ZMYND19: variants seen among roughly 807,000 people sequenced by gnomAD.
ZMYND19 encodes zinc finger MYND-type containing 19.
ZMYND19 carries 17 observed loss-of-function variants against 32.0 expected under a neutral mutation model. The observed-to-expected ratio is 0.53, with a 90% CI of 0.36 to 0.80. The LOEUF (loss-of-function observed/expected upper bound fraction) is 0.80. Ranked by LOEUF, ZMYND19 falls within the 30% of genes least tolerant of loss-of-function variation. The pLI is 0.00. For missense variants in ZMYND19, 250 were observed against 293.6 expected, an observed-to-expected ratio of 0.85 and a Z score of 1.09; for synonymous variants, 124 against 113.6, an observed-to-expected ratio of 1.09 and a Z score of -0.58.
intron 4 of ZMYND19, among the ~76,000 whole-genome samples, chr9:137,586,503 G>C (rs1390572797): frequency 6.7e-6 from 1 of 149,104 alleles, no homozygotes; most frequent in African/African-American, 2.5e-5. Context: ...GAATCCCGAG[G>C]TGAGAGAAGG....
intron 4 of ZMYND19, among the ~76,000 whole-genome samples, chr9:137,584,622 C>T (rs1003204796): frequency 2.8e-4 from 43 of 152,232 alleles, no homozygotes; most frequent in African/African-American, 9.6e-4. Context: ...AGCATCAACA[C>T]TGAGCATGTA....
At chr9:137,586,265 G>A (rs1465125007) in intron 4 of ZMYND19, among the ~76,000 whole-genome samples, 1 of 151,746 alleles carries the variant, frequency 6.6e-6, no homozygotes, top group African/African-American at 2.4e-5. Flanking sequence ...ATCCTGAGGT[G>A]AGGAGAGAAG....
In ZMYND19 at chr9:137,590,256, T is replaced by C; in HGVS notation, c.8A>G (p.Asp3Gly). 1 of 1,156,452 alleles carries C rather than the reference T, an allele frequency of 8.6e-7. No homozygotes were observed. The highest frequency in any genetic ancestry group is 1.9e-5 in the South Asian group (1 of 53,598). 71.6% of individuals were successfully genotyped at this position (1,156,452 alleles called of 1,614,324 possible). A position where few individuals can be genotyped will look rare whatever the true frequency, so the allele number is the denominator to read the frequency against. ...GAGCCGCACGATACCCAATTTGAAG[T>C]CGGTCATGGCCGGGCCTGCGCTCTC... MT[D>G]FKLGIVRLGR... Residue 3 changes from aspartate to glycine, a missense_variant, in exon 1 of 6, where the codon GAC (aspartate) becomes GGC (glycine). This residue lies in a region of ZMYND19 where 212 missense variants were observed against 218.8 expected (regional missense o/e 0.97). Transcript: ENST00000298585. This position sits in a 1 kb window ranked among gnomAD's most constrained non-coding sequence, Gnocchi z 4.2.
At chr9:137,586,584 G>T (rs1014882089) in intron 4 of ZMYND19, among the ~76,000 whole-genome samples, 25 of 152,060 alleles carry the variant, frequency 1.6e-4, no homozygotes, top group African/African-American at 6.0e-4. Flanking sequence ...GGTGAGCAGA[G>T]AAGGAAGGAA....
intron 4 of ZMYND19, 127 bp downstream of exon 4, chr9:137,586,840 C>A: frequency 1.5e-6 from 2 of 1,312,350 alleles, no homozygotes; most frequent in East Asian, 2.4e-5. Context: ...CAATGAAATT[C>A]CCAAAATACA....
chr9:137,583,252 C>A, intron 4 of ZMYND19, 89 bp from the exon 5 acceptor site: 1 of 1,462,334 alleles, frequency 6.8e-7, no homozygotes. Flanking sequence ...AGAGTGCCAT[C>A]CTGCCCAGGA....
At chr9:137,585,887 C>G (rs774346215) in intron 4 of ZMYND19, among the ~76,000 whole-genome samples, 1 of 152,254 alleles carries the variant, frequency 6.6e-6, no homozygotes, top group Non-Finnish European at 1.5e-5. Flanking sequence ...GTTCGCACTG[C>G]CTGCACCAGG....
chr9:137,582,494 G>A lies in ZMYND19; in HGVS notation c.*49C>T. ...TCAACCACCAGTCTGTCTCTGCTGT[G>A]CCCAGGGTAGAGCCCGGGGGCTGTG... On this transcript the variant is annotated 3_prime_UTR_variant, in exon 6 of 6. Transcript: ENST00000298585. The A allele has an allele frequency of 6.3e-7, 1 of 1,591,588 alleles. No homozygotes were observed. Among genetic ancestry groups the A allele is most frequent in the Non-Finnish European group, 8.6e-7 (1 of 1,169,358 alleles).
chr9:137,587,686 C>CG (rs141754341), intron 3 of ZMYND19, 31 bp downstream of exon 3: 13 of 1,601,168 alleles, frequency 8.1e-6, no homozygotes, highest in African/African-American at 1.3e-5. Context: ...AGCCCAGTGG[C>CG]GGGGGGCAGA....
intron 1 of ZMYND19, chr9:137,589,981 G>T (rs899975566): frequency 2.0e-6 from 2 of 985,168 alleles, no homozygotes; most frequent in African/African-American, 3.5e-5. Flanking sequence ...GGGCAGGGCC[G>T]AGGGTGGCCA....
At chr9:137,587,449 C>T in intron 3 of ZMYND19, 1 of 593,574 alleles carries the variant, frequency 1.7e-6, no homozygotes, top group Non-Finnish European at 3.0e-6. Context: ...GGGGGCTCGG[C>T]AAAACCCAGC....
chr9:137,588,731 C>G lies in ZMYND19; in HGVS notation c.52-13G>C. ...GCGTGTATTTGGTCTGGAAGTTAAC[C>G]ACATGTTTCAAATCATTACATTTGG... On this transcript the variant is annotated splice_polypyrimidine_tract_variant and intron_variant, in intron 1 of 5. Coordinates refer to ENST00000298585, the MANE Select transcript of ZMYND19 (RefSeq NM_138462.3). The G allele has an allele frequency of 1.2e-6, 2 of 1,614,126 alleles. No individual in the cohort carries two copies. The highest frequency in any genetic ancestry group is 8.5e-7 in the Non-Finnish European group (1 of 1,179,978).
At chr9:137,588,574 A>C in intron 2 of ZMYND19, 85 bp downstream of exon 2, 1 of 1,488,880 alleles carries the variant, frequency 6.7e-7, no homozygotes, top group South Asian at 1.1e-5. Context: ...CTGCTCTTGC[A>C]GCACAGGGGA....
intron 1 of ZMYND19, chr9:137,589,178 C>T: frequency 4.0e-6 from 1 of 247,578 alleles, no homozygotes; most frequent in Non-Finnish European, 6.5e-6. Context: ...CTGAAATGTT[C>T]CAAAGAAAAG....
Position 137,588,697 on chromosome 9 carries a change from C to T in ZMYND19, c.73G>A (p.Glu25Lys), listed in dbSNP as rs1378341876. 6.2e-7 allele frequency: 1 copy of T among 1,614,082 alleles called. No homozygotes were observed. The highest frequency in any genetic ancestry group is 1.7e-5 in the Admixed American group (1 of 60,016). ...CTCTCCACCAGCGGGATGTCCTGCT[C>T]ATCGATCAGCGTGTATTTGGTCTGG... The part of the protein sequence containing the change: ...AGKTKYTLID[E>K]QDIPLVESYS... The change falls in exon 2 of 6, where the codon GAG becomes AAG. Residue 25 changes from glutamate to lysine, a missense_variant. By Grantham distance (56) the Glu-to-Lys change is moderately conservative. This residue lies in a region of ZMYND19 where 212 missense variants were observed against 218.8 expected (regional missense o/e 0.97). Transcript: ENST00000298585.
intron 1 of ZMYND19, chr9:137,589,909 G>C (rs909698524): frequency 1.5e-5 from 15 of 985,152 alleles, no homozygotes; most frequent in Non-Finnish European, 1.8e-5. Flanking sequence ...AACGCGGCTC[G>C]GGCTCGAGCC....
rs200391071 is a variant in ZMYND19, at chr9:137,587,059, G to T, written c.267C>A (p.Leu89=). The stretch of plus-strand genomic sequence containing the variant: ...GGCGATTGTCCACGGTCACAGCGTT[G>T]AGGTGCACCACCTGGAAGCCCGGGG... ...GVAPGFQVVH[L]NAVTVDNRLD... The change falls in exon 4 of 6, where the codon CTC becomes CTA. Residue 89 remains leucine, a synonymous_variant. Transcript: ENST00000298585. 4 of 1,610,738 alleles carry T rather than the reference G, an allele frequency of 2.5e-6. No individual in the cohort carries two copies. The Admixed American group carries it at 5.0e-5, about 20-fold the overall frequency.
At chr9:137,586,170 C>A (rs1842201922) in intron 4 of ZMYND19, among the ~76,000 whole-genome samples, 1 of 152,274 alleles carries the variant, frequency 6.6e-6, no homozygotes, top group Admixed American at 6.5e-5. Flanking sequence ...AGCCCTGAAC[C>A]ATTCTCCGCT....
In ZMYND19 at chr9:137,590,168, C is replaced by G; in HGVS notation, c.51+45G>C. ...ACCGCCCCCGGCCCCGCGCGGAGGC[C>G]TGGACGGGCGAGACGGGCCGGGTCG... On this transcript the variant is annotated intron_variant, in intron 1 of 5. Coordinates refer to ENST00000298585, the MANE Select transcript of ZMYND19 (RefSeq NM_138462.3). This position sits in a 1 kb window ranked among gnomAD's most constrained non-coding sequence, Gnocchi z 4.2. The G allele has an allele frequency of 9.8e-7, 1 of 1,025,144 alleles. No individual in the cohort carries two copies. The highest frequency in any genetic ancestry group is 3.4e-5 in the South Asian group (1 of 29,714). 63.5% of individuals were successfully genotyped at this position (1,025,144 alleles called of 1,614,324 possible). A position where few individuals can be genotyped will look rare whatever the true frequency, so the allele number is the denominator to read the frequency against.
Sources: gnomAD v4.1 joint callset for allele counts (sites outside exome capture counted in the v4.1 genomes callset) on GRCh38, gnomAD v4.1.1 for gene constraint, gnomAD v4.1.1 regional missense constraint, Gnocchi (gnomAD v3.1) non-coding constraint, MANE v1.5 for transcripts, NCBI Gene and HGNC (gene_info 2026-07-23, HGNC 2026-07-21) for gene names.